Variants in SOD2 observed in about 807,000 individuals in gnomAD.
SOD2 encodes superoxide dismutase 2, also known as superoxide dismutase [Mn], mitochondrial.
A neutral mutation model predicts 27.0 loss-of-function variants in SOD2; 11 were observed. The observed-to-expected ratio is 0.41, with a 90% CI of 0.26 to 0.67. The LOEUF (loss-of-function observed/expected upper bound fraction) is 0.67. Ranked by LOEUF, SOD2 falls within the 30% of genes least tolerant of loss-of-function variation. The probability of loss-of-function intolerance (pLI) is 0.34; values close to 1 mark genes in which losing one functional copy is unlikely to be tolerated. For synonymous variants in SOD2, 105 were observed against 103.0 expected, an observed-to-expected ratio of 1.02 and a Z score of -0.12; for missense variants, 250 against 274.5, an observed-to-expected ratio of 0.91 and a Z score of 0.63.
At chr6:159,713,264 T>G in intron 1 of SOD2, 1 of 711,338 alleles carries the variant, frequency 1.4e-6, no homozygotes, top group Non-Finnish European at 2.5e-6. Flanking sequence ...GCCACGATAG[T>G]CATCATAGCC....
intron 1 of SOD2, among the ~76,000 whole-genome samples, chr6:159,734,660 T>C (rs756932323): frequency 4.3e-4 from 66 of 152,072 alleles, no homozygotes; most frequent in African/African-American, 7.2e-4. Flanking sequence ...AAAGAAAGAA[T>C]AGGAAAAACT....
intron 1 of SOD2, chr6:159,713,179 A>C (rs1777862471): frequency 7.9e-7 from 1 of 1,260,700 alleles, no homozygotes; most frequent in African/African-American, 1.5e-5. Context: ...CGTATCTATG[A>C]TCAGACATTC....
At chr6:159,737,910 G>A (rs1008437037) in intron 1 of SOD2, among the ~76,000 whole-genome samples, 3 of 152,132 alleles carry the variant, frequency 2.0e-5, no homozygotes, top group Non-Finnish European at 4.4e-5. Context: ...TCAGCTTTTT[G>A]TTTTGAAATA....
At chr6:159,683,882 C>T (rs1172191901) in intron 4 of SOD2, among the ~76,000 whole-genome samples, 1 of 152,150 alleles carries the variant, frequency 6.6e-6, no homozygotes, top group Non-Finnish European at 1.5e-5. Flanking sequence ...AGCCACAGAT[C>T]AAGAGTATTC....
At chr6:159,693,072 A>G in intron 1 of SOD2, 73 bp downstream of exon 1, 1 of 1,506,034 alleles carries the variant, frequency 6.6e-7, no homozygotes, top group Non-Finnish European at 8.8e-7. Context: ...CACTGTCGCC[A>G]TTGCCGCGGA....
intron 2 of SOD2, 85 bp from the exon 3 acceptor site, chr6:159,688,327 T>C: frequency 1.2e-6 from 1 of 810,080 alleles, no homozygotes; most frequent in Non-Finnish European, 2.1e-6. Context: ...CTTTGTAAGC[T>C]ATTAGATAAT....
At chr6:159,690,059 G>A (rs1012196180) in intron 2 of SOD2, among the ~76,000 whole-genome samples, 17 of 151,780 alleles carry the variant, frequency 1.1e-4, no homozygotes, top group African/African-American at 3.4e-4. Flanking sequence ...TGAGATGGGC[G>A]GATCACTTGA....
chr6:159,753,373 ATG>A (rs1779890768), intron 1 of SOD2: 1 of 1,558,284 alleles, frequency 6.4e-7, no homozygotes, highest in African/African-American at 1.4e-5. Context: ...TTATGTTTGT[ATG>A]TGTTACATCT....
intron 1 of SOD2, among the ~76,000 whole-genome samples, chr6:159,724,834 A>G (rs1778109553): frequency 6.9e-6 from 1 of 145,708 alleles, no homozygotes; most frequent in South Asian, 2.3e-4. Context: ...CCTGGACGAC[A>G]GAGTCAGACC....
chr6:159,684,243 A>G (rs5746131), intron 4 of SOD2, among the ~76,000 whole-genome samples: 1 of 152,230 alleles, frequency 6.6e-6, no homozygotes, highest in East Asian at 1.9e-4. Context: ...CTCTTGTTCT[A>G]TAGCTAATTT....
At chr6:159,713,478 CCTGTGTTT>C in intron 1 of SOD2, 1 of 661,498 alleles carries the variant, frequency 1.5e-6, no homozygotes, top group Non-Finnish European at 2.8e-6. Flanking sequence ...CTATTCTTTC[CCTGTGTTT>C]CTTCAATGCC....
intron 1 of SOD2, among the ~76,000 whole-genome samples, chr6:159,712,359 A>ACAAT (rs573903662): frequency 1.6e-5 from 2 of 124,890 alleles, no homozygotes; most frequent in East Asian, 2.3e-4. Context: ...ACCACCACTC[A>ACAAT]GCTGCTCTGA....
chr6:159,751,274 CT>C (rs34409481), intron 1 of SOD2, among the ~76,000 whole-genome samples: 2 of 151,966 alleles, frequency 1.3e-5, no homozygotes, highest in Non-Finnish European at 2.9e-5. Flanking sequence ...TAAACGAAAC[CT>C]TTTTTGCATT....
chr6:159,744,268 A>AT (rs1238333768), intron 1 of SOD2, among the ~76,000 whole-genome samples: 1 of 152,172 alleles, frequency 6.6e-6, no homozygotes, highest in African/African-American at 2.4e-5. Flanking sequence ...AGTATTTACT[A>AT]TGTCTACGTA....
upstream of SOD2, chr6:159,727,424 C>G: frequency 9.8e-7 from 1 of 1,016,880 alleles, no homozygotes; most frequent in Non-Finnish European, 1.2e-6. Flanking sequence ...TGGCCTGCGG[C>G]GCGTTCGGAC....
chr6:159,692,150 A>T, intron 2 of SOD2: 1 of 220,022 alleles, frequency 4.5e-6, no homozygotes. Flanking sequence ...CACCACTCCC[A>T]CTTCTATCAG....
Position 159,755,765 on chromosome 6 carries a change from CTTTTTTTTTTT to C in SOD2, c.-336+5261_-336+5271del. ...TTTTTCTTTGTTTTTTTTTTCTTTTCTTTTTTTTTTTTTTTTTTTTTTTTTGCTTCAATACT... is the reference window on the plus strand; with the variant it reads ...TTTTTCTTTGTTTTTTTTTTCTTTTCTTTTTTTTTTTTTTGCTTCAATACT... On this transcript the variant is annotated intron_variant, in intron 1 of 7. Transcript: ENST00000546087. 376 of 173,382 alleles carry C rather than the reference CTTTTTTTTTTT, an allele frequency of 2.2e-3. 1 individual carries two copies. In the African/African-American group the frequency reaches 0.025, roughly 11 times the overall value. 10.7% of individuals were successfully genotyped at this position (173,382 alleles called of 1,614,324 possible). A position where few individuals can be genotyped will look rare whatever the true frequency, so the allele number is the denominator to read the frequency against.
Position 159,676,611 on chromosome 6 carries a change from G to C in SOD2, c.*5882C>G, listed in dbSNP as rs1733435110. 1 of 152,124 alleles carries C rather than the reference G, an allele frequency of 6.6e-6. No homozygotes were observed. The highest frequency in any genetic ancestry group is 2.1e-4 in the South Asian group (1 of 4,830). The allele number at this position is 152,124 out of a possible 1,614,324, so 9.4% of individuals were successfully genotyped here. A position where few individuals can be genotyped will look rare whatever the true frequency, so the allele number is the denominator to read the frequency against. On this transcript the variant is annotated 3_prime_UTR_variant, in exon 5 of 5. Coordinates refer to ENST00000538183, the MANE Select transcript of SOD2 (RefSeq NM_000636.4). Reference sequence around the variant, plus strand: ...GGGGCCTGTCGAGGGGTGGGGAGAAGGGGGAGGGATAGCATTAGGAGATAT... The same window carrying C: ...GGGGCCTGTCGAGGGGTGGGGAGAACGGGGAGGGATAGCATTAGGAGATAT...
At chr6:159,683,233 C>T (rs1414997131) in intron 4 of SOD2, among the ~76,000 whole-genome samples, 3 of 152,198 alleles carry the variant, frequency 2.0e-5, no homozygotes, top group African/African-American at 7.2e-5. Flanking sequence ...CCTGTAATCC[C>T]AGCACTTTGG....
Sources: allele counts gnomAD v4.1 joint callset (sites outside exome capture counted in the v4.1 genomes callset), GRCh38; gene constraint gnomAD v4.1.1; transcripts MANE v1.5; gene names NCBI Gene and HGNC (gene_info 2026-07-23, HGNC 2026-07-21).